CERT1: variants seen among roughly 807,000 people sequenced by gnomAD.
CERT1 encodes ceramide transfer protein.
In CERT1, 31 loss-of-function variants were observed where a neutral mutation model predicts 87.9. That is an observed-to-expected ratio of 0.35 (90% CI 0.27 to 0.48). The LOEUF (loss-of-function observed/expected upper bound fraction) is 0.48, where lower values mean the gene tolerates loss of function less well. CERT1 is among the 20% of genes least tolerant of loss of function. The pLI is 0.99. For synonymous variants in CERT1, 289 were observed against 250.9 expected (o/e 1.15, Z -1.44); for missense variants, 487 against 758.0 (o/e 0.64, Z 4.20).
At chr5:75,425,305 G>C (rs981831820) in intron 5 of CERT1, 56 bp downstream of exon 5, 1 of 1,523,606 alleles carries the variant, frequency 6.6e-7, no homozygotes, top group African/African-American at 1.4e-5. Context: ...TTGAGATCAA[G>C]AGGCTTTTAA....
intron 2 of CERT1, among the ~76,000 whole-genome samples, chr5:75,478,093 A>G (rs1766055377): frequency 6.6e-6 from 1 of 152,100 alleles, no homozygotes; most frequent in East Asian, 1.9e-4. Flanking sequence ...CGGGCAGATC[A>G]CCTGAAGTCA....
chr5:75,456,655 C>T lies in CERT1; in HGVS notation c.348+2410G>A, dbSNP rs541389013. ...CACTCCATGCTGGGTGACAAAGTGA[C>T]CTCATCTCAAAAAAAAAAAAAAAAA... On this transcript the variant is annotated intron_variant, in intron 3 of 16. Coordinates refer to ENST00000643780, the MANE Select transcript of CERT1 (RefSeq NM_001379029.1). Among the ~76,000 whole-genome samples, 68 of 115,940 alleles carry T rather than the reference C, an allele frequency of 5.9e-4. No individual in the cohort carries two copies. In the Admixed American group the frequency reaches 6.1e-3, roughly 10 times the overall value. 76.1% of individuals were successfully genotyped at this position (115,940 alleles called of 152,430 possible).
At position 75,399,326 on chromosome 5, in the gene CERT1, T is replaced by C; in HGVS notation, c.1172A>G (p.His391Arg). 1.9e-6 allele frequency: 3 copies of C among 1,612,266 alleles called. No individual in the cohort carries two copies. The highest frequency in any genetic ancestry group is 2.5e-6 in the Non-Finnish European group (3 of 1,178,374). Residue 391 changes from histidine (H) to arginine (R), a missense_variant, in exon 11 of 17, where the codon CAC becomes CGC. His to Arg is a conservative substitution (Grantham distance 29, BLOSUM62 0). Coordinates refer to ENST00000643780, the MANE Select transcript of CERT1 (RefSeq NM_001379029.1). ...ATACAGTACCTGGGAGCTGAATCTG[T>C]GAACATCATCAGAGGCACTGACTAG... ...IDLVSASDDV[H>R]RFSSQVEEMV...
chr5:75,424,925 C>G (rs1245200041), intron 5 of CERT1, among the ~76,000 whole-genome samples: 1 of 151,972 alleles, frequency 6.6e-6, no homozygotes, highest in African/African-American at 2.4e-5. Context: ...CCAACCTGAC[C>G]AACATAGTGA....
chr5:75,384,353 G>A (rs2112006874), intron 14 of CERT1, among the ~76,000 whole-genome samples: 1 of 152,278 alleles, frequency 6.6e-6, no homozygotes, highest in African/African-American at 2.4e-5. Context: ...GGGAAATACA[G>A]CAAGACCCTG....
At chr5:75,509,194 G>A (rs888938910) in intron 1 of CERT1, among the ~76,000 whole-genome samples, 14 of 151,966 alleles carry the variant, frequency 9.2e-5, no homozygotes, top group African/African-American at 2.4e-4. Flanking sequence ...GAATTGTACC[G>A]GGACTTATTT....
chr5:75,477,093 G>A (rs1262422864), intron 2 of CERT1, among the ~76,000 whole-genome samples: 2 of 151,892 alleles, frequency 1.3e-5, no homozygotes, highest in Non-Finnish European at 2.9e-5. Context: ...TATGAAAAAC[G>A]GTTGTTTTTC....
chr5:75,379,359 G>C lies in CERT1; in HGVS notation c.1862C>G (p.Pro621Arg). 6.2e-7 allele frequency: 1 copy of C among 1,613,160 alleles called. No homozygotes were observed. The change falls in exon 17 of 17, where the codon CCT (proline) becomes CGT (arginine). Residue 621 changes from proline to arginine, a missense_variant. Physicochemically the swap from Pro to Arg is moderately radical, Grantham distance 103 (BLOSUM62 -2). Around this residue, in one of 8 missense-constraint regions of CERT1, gnomAD observed 33 missense variants for 64.4 expected, o/e 0.51. Transcript: ENST00000643780. ...SYVQEKTAGK[P>R]ILF ...TACCTGTTAATACTAGAACAAAATA[G>C]GCTTTCCTGCAGTTTTTTCTTGGAC... is the stretch of plus-strand genomic sequence containing the variant.
chr5:75,485,269 A>G (rs555208468), intron 2 of CERT1, among the ~76,000 whole-genome samples: 3 of 142,648 alleles, frequency 2.1e-5, no homozygotes, highest in African/African-American at 7.8e-5. Context: ...AGAGTTCAAG[A>G]TGAGCCTGAG....
chr5:75,397,444 T>G (rs1282508928), intron 11 of CERT1, among the ~76,000 whole-genome samples: 1 of 152,246 alleles, frequency 6.6e-6, no homozygotes, highest in Non-Finnish European at 1.5e-5. Context: ...CTCAGTGATA[T>G]AGTTACCTGG....
intron 9 of CERT1, 37 bp from the exon 10 acceptor site, chr5:75,400,334 A>C (rs1456980524): frequency 6.8e-7 from 1 of 1,461,162 alleles, no homozygotes; most frequent in Non-Finnish European, 9.5e-7. Flanking sequence ...GGAAGGTTTT[A>C]AAGTGTATTT....
In CERT1 at chr5:75,380,999, C is replaced by A. The variant is rs1262816293; in HGVS notation, c.1747+73G>T. On this transcript the variant is annotated intron_variant, in intron 16 of 16. Transcript: ENST00000643780. ...GGATAAGAACTAAAAAGGCATTTGT[C>A]CAAATTGTTGTCATATAGGTCATGA... The A allele has an allele frequency of 5.3e-6, 8 of 1,519,262 alleles. No individual in the cohort carries two copies. In the East Asian group the frequency reaches 1.8e-4, roughly 35 times the overall value. The allele number at this position is 1,519,262 out of a possible 1,614,324, so 94.1% of individuals were successfully genotyped here.
At chr5:75,423,535 T>A (rs1763476627) in intron 5 of CERT1, among the ~76,000 whole-genome samples, 2 of 151,884 alleles carry the variant, frequency 1.3e-5, no homozygotes, top group African/African-American at 4.8e-5. Flanking sequence ...AGGCCAGGAG[T>A]TTAAAGACCA....
intron 3 of CERT1, among the ~76,000 whole-genome samples, chr5:75,434,382 C>T (rs1344560221): frequency 6.6e-6 from 1 of 151,984 alleles, no homozygotes; most frequent in Non-Finnish European, 1.5e-5. Flanking sequence ...TGACGTGCTG[C>T]TGTATTCAAT....
Position 75,425,590 on chromosome 5 carries a change from G to GGTATTTCAT in CERT1, c.457-92_457-91insATGAAATAC. The GGTATTTCAT allele has an allele frequency of 9.4e-6, 12 of 1,270,892 alleles. 1 individual carries two copies. In the Middle Eastern group the frequency reaches 2.3e-3, roughly 245 times the overall value. 78.7% of individuals were successfully genotyped at this position (1,270,892 alleles called of 1,614,324 possible). A position where few individuals can be genotyped will look rare whatever the true frequency, so the allele number is the denominator to read the frequency against. ...GGTATTTCATCAACTTTTAAGGTCTGCACCTTATAACTGAGGGCATGGGAT... is the reference window on the plus strand; with the variant it reads ...GGTATTTCATCAACTTTTAAGGTCTGGTATTTCATCACCTTATAACTGAGGGCATGGGAT... On this transcript the variant is annotated intron_variant, in intron 4 of 16. Coordinates refer to ENST00000643780, the MANE Select transcript of CERT1 (RefSeq NM_001379029.1).
chr5:75,439,879 A>G (rs1440172710), intron 3 of CERT1, among the ~76,000 whole-genome samples: 3 of 152,068 alleles, frequency 2.0e-5, no homozygotes, highest in African/African-American at 7.2e-5. Context: ...ATGCTCATTA[A>G]TATTAAAATT....
chr5:75,387,598 C>T (rs1217500046), intron 12 of CERT1, among the ~76,000 whole-genome samples: 1 of 151,738 alleles, frequency 6.6e-6, no homozygotes, highest in Non-Finnish European at 1.5e-5. Flanking sequence ...AAAAATTAAC[C>T]CAGCGTAGTG....
chr5:75,381,015 T>C (rs1761559063), intron 16 of CERT1, 57 bp downstream of exon 16: 2 of 1,584,748 alleles, frequency 1.3e-6, no homozygotes, highest in Non-Finnish European at 1.7e-6. Flanking sequence ...TGTTGTCATA[T>C]AGGTCATGAT....
intron 3 of CERT1, among the ~76,000 whole-genome samples, chr5:75,432,650 G>A (rs911268979): frequency 6.6e-6 from 1 of 152,186 alleles, no homozygotes; most frequent in African/African-American, 2.4e-5. Context: ...CTTTCTGTAT[G>A]TTGTCTGTTT....
Sources: gnomAD v4.1 joint callset for allele counts (sites outside exome capture counted in the v4.1 genomes callset) on GRCh38, gnomAD v4.1.1 for gene constraint, gnomAD v4.1.1 regional missense constraint, MANE v1.5 for transcripts, NCBI Gene and HGNC (gene_info 2026-07-23, HGNC 2026-07-21) for gene names.